TMIE: variants seen among roughly 807,000 people sequenced by gnomAD.
TMIE encodes the protein transmembrane inner ear expressed protein.
TMIE carries 14 observed loss-of-function variants against 16.8 expected under a neutral mutation model. The observed-to-expected ratio is 0.83, with a 90% CI of 0.55 to 1.30. The LOEUF (loss-of-function observed/expected upper bound fraction) is 1.30. TMIE is among the 50% of genes most tolerant of loss of function. The probability of loss-of-function intolerance (pLI) is 0.00; values close to 1 mark genes in which losing one functional copy is unlikely to be tolerated. For missense variants in TMIE, 204 were observed against 205.9 expected (o/e 0.99, Z 0.06); for synonymous variants, 75 against 87.2 (o/e 0.86, Z 0.78).
At chr3:46,693,861 T>G (rs1013154754), upstream of TMIE, among the ~76,000 whole-genome samples, 1 of 151,778 alleles carries the variant, frequency 6.6e-6, no homozygotes, top group African/African-American at 2.4e-5. Flanking sequence ...CCCAAGCCTC[T>G]CCTGAGGCCT....
In TMIE at chr3:46,696,378, T is replaced by C. The variant is rs1700412004; in HGVS notation, c.-67+1760T>C. Among the ~76,000 whole-genome samples the C allele has an allele frequency of 3.3e-5, 5 of 152,224 alleles. No individual in the cohort carries two copies. The South Asian group carries it at 1.0e-3, about 32-fold the overall frequency. On this transcript the variant is annotated intron_variant, in intron 1 of 3. Transcript: ENST00000644830. Reference sequence around the variant, plus strand: ...CATGCAGAATGCACATGCACTCCCATGTGCACCAGTGCCTTAGTACACAAA... The same window carrying C: ...CATGCAGAATGCACATGCACTCCCACGTGCACCAGTGCCTTAGTACACAAA...
chr3:46,697,612 G>A (rs141385635), upstream of TMIE, among the ~76,000 whole-genome samples: 3 of 152,282 alleles, frequency 2.0e-5, no homozygotes, highest in East Asian at 5.8e-4. Flanking sequence ...ACCCACTCCA[G>A]CAAATTAAGC....
chr3:46,702,610 G>A (rs1247365668), intron 1 of TMIE, among the ~76,000 whole-genome samples: 3 of 152,156 alleles, frequency 2.0e-5, no homozygotes, highest in Non-Finnish European at 4.4e-5. Flanking sequence ...AAATGCAAGA[G>A]GCAGTGAGAG....
upstream of TMIE, chr3:46,701,339 G>A (rs1263492809): frequency 2.4e-5 from 14 of 582,102 alleles, no homozygotes; most frequent in South Asian, 1.3e-4. The surrounding 1 kb of genome is among the most constrained non-coding windows in gnomAD (Gnocchi z 4.3). Context: ...GGCGGGCGGC[G>A]CGGGAACCTG....
rs1700612277 is a variant in TMIE at position 46,710,834 on chromosome 3, G to T, written c.*1146G>T. 1 of 152,228 alleles carries T rather than the reference G, an allele frequency of 6.6e-6. No homozygotes were observed. The highest frequency in any genetic ancestry group is 2.4e-5 in the African/African-American group (1 of 41,452). The allele number at this position is 152,228 out of a possible 1,614,324, so 9.4% of individuals were successfully genotyped here. On this transcript the variant is annotated 3_prime_UTR_variant, in exon 4 of 4. Coordinates refer to ENST00000643606, the MANE Select transcript of TMIE (RefSeq NM_147196.3). Reference sequence around the variant, plus strand: ...AGAGGTTTCTGAGCCAGGAGAGCCTGCTGGAAAAGCAGCCTGCAGAGATTT... The same window carrying T: ...AGAGGTTTCTGAGCCAGGAGAGCCTTCTGGAAAAGCAGCCTGCAGAGATTT...
upstream of TMIE, among the ~76,000 whole-genome samples, chr3:46,698,328 G>A (rs962711140): frequency 1.3e-5 from 2 of 152,094 alleles, no homozygotes; most frequent in African/African-American, 4.8e-5. Context: ...ACAGGTGTGA[G>A]CCACCGCACC....
chr3:46,696,007 C>T (rs1213581604), intron 1 of TMIE, among the ~76,000 whole-genome samples: 2 of 152,136 alleles, frequency 1.3e-5, no homozygotes, highest in Non-Finnish European at 2.9e-5. Flanking sequence ...TCTGCTGAGT[C>T]CACCTGCCTT....
chr3:46,700,190 C>G (rs192432353), upstream of TMIE, among the ~76,000 whole-genome samples: 15 of 152,350 alleles, frequency 9.8e-5, no homozygotes, highest in Admixed American at 9.8e-4. Flanking sequence ...GACTTTACCT[C>G]CCACTGTTGA....
chr3:46,701,231 T>G, upstream of TMIE: 5 of 348,680 alleles, frequency 1.4e-5, no homozygotes, highest in East Asian at 5.4e-5. This position sits in a 1 kb window ranked among gnomAD's most constrained non-coding sequence, Gnocchi z 4.3. Flanking sequence ...CCCACCTCAG[T>G]GTCCCTGGGG....
At position 46,701,649 on chromosome 3, in the gene TMIE, C is replaced by T; in HGVS notation, c.93+69C>T. 6 of 1,180,794 alleles carry T rather than the reference C, an allele frequency of 5.1e-6. No individual in the cohort carries two copies. The highest frequency in any genetic ancestry group is 5.4e-6 in the Non-Finnish European group (5 of 931,210). The allele number at this position is 1,180,794 out of a possible 1,614,324, so 73.1% of individuals were successfully genotyped here. ...AGGCAGGGGGCTGGGGGAGAGGGGA[C>T]GCCTTTTTGATCCGGAGCTTGTTTG... On this transcript the variant is annotated intron_variant, in intron 1 of 3. Transcript: ENST00000643606. This position sits in a 1 kb window ranked among gnomAD's most constrained non-coding sequence, Gnocchi z 4.3.
At chr3:46,700,259 G>T (rs930558135), upstream of TMIE, among the ~76,000 whole-genome samples, 1 of 152,138 alleles carries the variant, frequency 6.6e-6, no homozygotes, top group Admixed American at 6.5e-5. Flanking sequence ...TCGTTTTCCT[G>T]CCTGGCTGTC....
chr3:46,703,637 T>C (rs1700505259), intron 1 of TMIE, among the ~76,000 whole-genome samples: 4 of 152,168 alleles, frequency 2.6e-5, no homozygotes. Context: ...TTCTTGTCAA[T>C]AGCTCACCCT....
chr3:46,695,032 G>T (rs537055003), intron 1 of TMIE, among the ~76,000 whole-genome samples: 1 of 152,290 alleles, frequency 6.6e-6, no homozygotes, highest in East Asian at 1.9e-4. Context: ...TTCTGGTGAG[G>T]TGTCCCTCTG....
upstream of TMIE, among the ~76,000 whole-genome samples, chr3:46,699,841 C>T (rs1438620920): frequency 6.6e-6 from 1 of 152,348 alleles, no homozygotes; most frequent in South Asian, 2.1e-4. Context: ...GCCAGCACTC[C>T]CATATTCATT....
chr3:46,698,510 C>T (rs1700429853), upstream of TMIE, among the ~76,000 whole-genome samples: 1 of 151,846 alleles, frequency 6.6e-6, no homozygotes, highest in Admixed American at 6.6e-5. Context: ...TAGTCTTGAA[C>T]TCCTGGGCTC....
At chr3:46,705,422 C>T (rs1204009999) in intron 1 of TMIE, among the ~76,000 whole-genome samples, 2 of 152,196 alleles carry the variant, frequency 1.3e-5, no homozygotes, top group Non-Finnish European at 2.9e-5. Flanking sequence ...CCCCAGGCCT[C>T]GCCTTGTCTC....
chr3:46,696,731 A>G (rs1291369712), upstream of TMIE, among the ~76,000 whole-genome samples: 1 of 152,206 alleles, frequency 6.6e-6, no homozygotes, highest in East Asian at 1.9e-4. Context: ...CTTCCAGTTC[A>G]GAGGCCCTGG....
intron 2 of TMIE, 106 bp from the exon 3 acceptor site, chr3:46,709,020 G>A (rs1401926144): frequency 6.9e-7 from 1 of 1,451,272 alleles, no homozygotes; most frequent in Non-Finnish European, 9.6e-7. Flanking sequence ...GGTCTGGTGG[G>A]TGAGACACAT....
chr3:46,701,443 G>A lies in TMIE; in HGVS notation c.-45G>A, dbSNP rs771397381. The A allele has an allele frequency of 9.9e-6, 14 of 1,408,476 alleles. No individual in the cohort carries two copies. In the East Asian group the frequency reaches 3.4e-4, roughly 34 times the overall value. The allele number at this position is 1,408,476 out of a possible 1,614,324, so 87.2% of individuals were successfully genotyped here. A position where few individuals can be genotyped will look rare whatever the true frequency, so the allele number is the denominator to read the frequency against. On this transcript the variant is annotated 5_prime_UTR_variant, in exon 1 of 4. Transcript: ENST00000643606. The surrounding 1 kb of genome is among the most constrained non-coding windows in gnomAD (Gnocchi z 4.3). The stretch of plus-strand genomic sequence containing the variant: ...CTGGCAGGGGCAGTGACCGGCGGCC[G>A]GCCCGTTCGTCCCTGGGCTCCGCAA...
Sources: allele counts gnomAD v4.1 joint callset (sites outside exome capture counted in the v4.1 genomes callset), GRCh38; gene constraint gnomAD v4.1.1; non-coding constraint Gnocchi (gnomAD v3.1); transcripts MANE v1.5; gene names NCBI Gene and HGNC (gene_info 2026-07-23, HGNC 2026-07-21).